Variants in DPP10 observed in about 807,000 individuals in gnomAD.
DPP10 encodes the protein dipeptidyl peptidase like 10.
Under a neutral mutation model 120.9 loss-of-function variants are expected in DPP10, and 33 were observed. That is an observed-to-expected ratio of 0.27 (90% CI 0.21 to 0.37). The LOEUF (loss-of-function observed/expected upper bound fraction) is 0.37. DPP10 is among the 10% of genes least tolerant of loss of function. DPP10 has a pLI of 1.00. For synonymous variants in DPP10, 337 were observed against 326.1 expected (o/e 1.03, Z -0.36); for missense variants, 816 against 942.8 (o/e 0.87, Z 1.76).
At chr2:115,414,639 C>T (rs2069226397) in intron 3 of DPP10, among the ~76,000 whole-genome samples, 1 of 152,020 alleles carries the variant, frequency 6.6e-6, no homozygotes, top group Non-Finnish European at 1.5e-5. Flanking sequence ...ATGTATGTAC[C>T]ATCAAACGGA....
chr2:114,989,295 C>T (rs531405676), intron 1 of DPP10, among the ~76,000 whole-genome samples: 1 of 152,238 alleles, frequency 6.6e-6, no homozygotes, highest in African/African-American at 2.4e-5. Flanking sequence ...AATTTATTTA[C>T]TTCCCGTAAC....
intron 1 of DPP10, among the ~76,000 whole-genome samples, chr2:114,477,485 A>G (rs922731778): frequency 6.7e-6 from 1 of 149,742 alleles, no homozygotes; most frequent in Non-Finnish European, 1.5e-5. Context: ...ATACATACAC[A>G]TATACATACG....
At chr2:115,148,107 A>G (rs1028778099) in intron 1 of DPP10, among the ~76,000 whole-genome samples, 32 of 152,204 alleles carry the variant, frequency 2.1e-4, no homozygotes, top group Non-Finnish European at 4.6e-4. Context: ...CTGAGTTCAC[A>G]AAGGCAAGAG....
intron 1 of DPP10, among the ~76,000 whole-genome samples, chr2:115,239,217 G>A (rs1015343382): frequency 1.3e-5 from 2 of 151,982 alleles, no homozygotes; most frequent in East Asian, 1.9e-4. Context: ...AAATTAAGTC[G>A]ACACTCAATA....
chr2:114,900,470 G>T (rs1167767698), intron 1 of DPP10, among the ~76,000 whole-genome samples: 2 of 152,158 alleles, frequency 1.3e-5, no homozygotes, highest in African/African-American at 4.8e-5. Flanking sequence ...TAAGGAAATT[G>T]AACACATATT....
chr2:114,849,112 T>C (rs1161940580), intron 1 of DPP10, among the ~76,000 whole-genome samples: 1 of 152,162 alleles, frequency 6.6e-6, no homozygotes, highest in Non-Finnish European at 1.5e-5. Flanking sequence ...TTAGTGCCCA[T>C]ATTTACTTTT....
At chr2:115,475,423 A>G (rs1240914213) in intron 3 of DPP10, among the ~76,000 whole-genome samples, 1 of 152,218 alleles carries the variant, frequency 6.6e-6, no homozygotes, top group African/African-American at 2.4e-5. Context: ...CCTAGATTTC[A>G]GAGAATGTAT....
At chr2:115,815,253 T>G (rs973655971) in intron 20 of DPP10, among the ~76,000 whole-genome samples, 3 of 152,228 alleles carry the variant, frequency 2.0e-5, no homozygotes, top group Admixed American at 6.5e-5. Context: ...ACCACTATAT[T>G]ATTTGTTTAC....
chr2:115,251,982 C>T (rs2058772940), intron 1 of DPP10, among the ~76,000 whole-genome samples: 1 of 152,192 alleles, frequency 6.6e-6, no homozygotes, highest in Non-Finnish European at 1.5e-5. Context: ...GACAATCTCT[C>T]TTGTTGAGCA....
intron 1 of DPP10, among the ~76,000 whole-genome samples, chr2:114,588,234 A>G (rs1006014617): frequency 8.5e-5 from 13 of 152,236 alleles, no homozygotes; most frequent in South Asian, 8.3e-4. Flanking sequence ...GTTTATATAC[A>G]AAGGCGTAAC....
chr2:115,447,011 A>T (rs747590012), intron 3 of DPP10, among the ~76,000 whole-genome samples: 4 of 152,200 alleles, frequency 2.6e-5, no homozygotes, highest in Non-Finnish European at 5.9e-5. Flanking sequence ...GTGCACCTGG[A>T]AAAGCTACAG....
At chr2:115,389,185 T>A (rs920414897) in intron 3 of DPP10, among the ~76,000 whole-genome samples, 1 of 152,074 alleles carries the variant, frequency 6.6e-6, no homozygotes, top group African/African-American at 2.4e-5. Flanking sequence ...GCTTTTAAAA[T>A]GTTGACAGAA....
chr2:114,463,469 A>T (rs1027136628), intron 1 of DPP10: 1 of 152,188 alleles, frequency 6.6e-6, no homozygotes, highest in Admixed American at 6.5e-5. Context: ...CAACTAGAGG[A>T]CAGTGCTCAT....
intron 1 of DPP10, among the ~76,000 whole-genome samples, chr2:115,286,842 T>C (rs2060425867): frequency 6.6e-6 from 1 of 151,892 alleles, no homozygotes; most frequent in African/African-American, 2.4e-5. Flanking sequence ...AAAATAATTA[T>C]AATAGACAAA....
At chr2:114,794,778 G>A (rs1233027554) in intron 1 of DPP10, among the ~76,000 whole-genome samples, 1 of 152,104 alleles carries the variant, frequency 6.6e-6, no homozygotes, top group Admixed American at 6.6e-5. Flanking sequence ...GCTTTCCTGG[G>A]TTATATTTAT....
intron 7 of DPP10, among the ~76,000 whole-genome samples, chr2:115,698,223 A>G (rs1371695179): frequency 1.3e-5 from 2 of 152,184 alleles, no homozygotes; most frequent in African/African-American, 4.8e-5. Context: ...TGAAAACTGA[A>G]AAATTTCTAC....
Position 114,866,131 on chromosome 2 carries a change from A to ATAAT in DPP10, c.60+423296_60+423297insTTAA, listed in dbSNP as rs1287620613. On this transcript the variant is annotated intron_variant, in intron 1 of 25. Coordinates refer to ENST00000410059, the MANE Select transcript of DPP10 (RefSeq NM_020868.6). ...GTCTCAAAAATAAATAAATAAATAA[A>ATAAT]TAAATAAATAAATAAATAAACTTAT... Among the ~76,000 whole-genome samples, 357 of 151,248 alleles carry ATAAT rather than the reference A, an allele frequency of 2.4e-3. 3 individuals carry two copies. The highest frequency in any genetic ancestry group is 8.2e-3 in the African/African-American group (338 of 41,402).
intron 3 of DPP10, among the ~76,000 whole-genome samples, chr2:115,434,688 G>C (rs75803811): frequency 1.7e-4 from 26 of 151,722 alleles, no homozygotes; most frequent in African/African-American, 5.8e-4. Context: ...TGTTGGGAAC[G>C]TTTCAGTTCT....
intron 5 of DPP10, among the ~76,000 whole-genome samples, chr2:115,673,280 C>T (rs1477417488): frequency 6.6e-6 from 1 of 152,100 alleles, no homozygotes; most frequent in East Asian, 1.9e-4. Flanking sequence ...TATTCAATGT[C>T]AGGATGAGTT....
Sources: gnomAD v4.1 joint callset for allele counts (sites outside exome capture counted in the v4.1 genomes callset) on GRCh38, gnomAD v4.1.1 for gene constraint, MANE v1.5 for transcripts, NCBI Gene and HGNC (gene_info 2026-07-23, HGNC 2026-07-21) for gene names.